Variants in PCDH15 observed in about 807,000 individuals in gnomAD.
The protein encoded by PCDH15 is protocadherin-15.
In PCDH15, 129 loss-of-function variants were observed where a neutral mutation model predicts 178.5. The ratio of observed to expected loss-of-function variants is 0.72; its 90% CI spans 0.63 to 0.84. The LOEUF (loss-of-function observed/expected upper bound fraction) is 0.84. PCDH15 is among the 40% of genes least tolerant of loss of function. PCDH15 has a pLI of 0.00. For missense variants in PCDH15, 2,230 were observed against 2,099.9 expected (o/e 1.06, Z -1.21); for synonymous variants, 800 against 732.0 (o/e 1.09, Z -1.50).
chr10:54,068,913 A>G (rs764551464), intron 17 of PCDH15, among the ~76,000 whole-genome samples: 21 of 152,190 alleles, frequency 1.4e-4, no homozygotes, highest in Non-Finnish European at 2.2e-4. Flanking sequence ...ATGTGTGTCG[A>G]TATATGTAAG....
chr10:54,965,608 C>CATATATAT (rs71461263), intron 2 of PCDH15, among the ~76,000 whole-genome samples: 61 of 141,436 alleles, frequency 4.3e-4, no homozygotes, highest in African/African-American at 1.1e-3. Context: ...AACTTTGCTT[C>CATATATAT]ATATATATAT....
chr10:54,722,118 A>C (rs552875676), intron 1 of PCDH15, among the ~76,000 whole-genome samples: 1 of 151,972 alleles, frequency 6.6e-6, no homozygotes, highest in Non-Finnish European at 1.5e-5. Flanking sequence ...TAGAAAAAAC[A>C]TATGATTATC....
In PCDH15 at chr10:54,371,072, A is replaced by T. The variant is rs567568390; in HGVS notation, c.319-1797T>A. ...TAAAATCATGTGTATAAAATCTGTGAATGTTACAAACCTTGGAAGGATGTA... is the reference window on the plus strand; with the variant it reads ...TAAAATCATGTGTATAAAATCTGTGTATGTTACAAACCTTGGAAGGATGTA... On this transcript the variant is annotated intron_variant, in intron 4 of 37. Coordinates refer to ENST00000644397, the MANE Select transcript of PCDH15 (RefSeq NM_001384140.1). 3.3e-5 allele frequency among the ~76,000 whole-genome samples: 5 copies of T among 151,978 alleles called. No homozygotes were observed. The East Asian group carries it at 9.7e-4, about 29-fold the overall frequency.
chr10:55,014,977 T>C (rs1840136163), intron 2 of PCDH15, among the ~76,000 whole-genome samples: 1 of 152,056 alleles, frequency 6.6e-6, no homozygotes. Context: ...TCTCAGCACT[T>C]TGGGAGGCCG....
intron 10 of PCDH15, among the ~76,000 whole-genome samples, chr10:54,201,627 A>C (rs1024358405): frequency 1.3e-5 from 2 of 152,094 alleles, no homozygotes; most frequent in African/African-American, 2.4e-5. Flanking sequence ...AAGGTCAAAT[A>C]TATATTTATT....
At chr10:54,797,885 T>C (rs1426343204) in intron 1 of PCDH15, among the ~76,000 whole-genome samples, 1 of 152,012 alleles carries the variant, frequency 6.6e-6, no homozygotes, top group Non-Finnish European at 1.5e-5. Flanking sequence ...CTACATATTC[T>C]TCCAAGTCTC....
intron 3 of PCDH15, among the ~76,000 whole-genome samples, chr10:54,874,351 T>C (rs950723672): frequency 2.0e-5 from 3 of 148,702 alleles, no homozygotes; most frequent in Non-Finnish European, 4.4e-5. Context: ...ATGTGCCACA[T>C]TTTCTTAATC....
chr10:55,372,170 G>A (rs1272631192), intron 2 of PCDH15, among the ~76,000 whole-genome samples: 1 of 151,964 alleles, frequency 6.6e-6, no homozygotes, highest in Non-Finnish European at 1.5e-5. Flanking sequence ...AATGTATAGG[G>A]CACATATTTA....
chr10:55,248,659 T>G (rs1056968847), intron 1 of PCDH15, among the ~76,000 whole-genome samples: 1 of 152,144 alleles, frequency 6.6e-6, no homozygotes, highest in African/African-American at 2.4e-5. Flanking sequence ...GTAGTTCTAG[T>G]GATTCTTGTG....
chr10:53,920,085 G>C (rs950357541), intron 25 of PCDH15, among the ~76,000 whole-genome samples: 47 of 152,088 alleles, frequency 3.1e-4, no homozygotes, highest in Non-Finnish European at 6.3e-4. Context: ...TTGAGGCAAA[G>C]TAAAAACAGT....
intron 3 of PCDH15, among the ~76,000 whole-genome samples, chr10:54,415,383 G>A (rs918552830): frequency 1.3e-5 from 2 of 151,644 alleles, no homozygotes; most frequent in Non-Finnish European, 2.9e-5. Flanking sequence ...ATAGTCAATA[G>A]TTTAAAAAAA....
chr10:54,767,343 T>C (rs1014043852), intron 1 of PCDH15, among the ~76,000 whole-genome samples: 1 of 152,136 alleles, frequency 6.6e-6, no homozygotes, highest in African/African-American at 2.4e-5. Flanking sequence ...TAAATGAAAG[T>C]ATCAAACAGA....
chr10:54,794,129 ATATATATATCT>A (rs968541377), intron 1 of PCDH15, among the ~76,000 whole-genome samples: 6 of 146,342 alleles, frequency 4.1e-5, no homozygotes, highest in African/African-American at 7.5e-5. Flanking sequence ...TATATAAGAT[ATATATATATCT>A]TATATATATC....
At chr10:55,413,864 G>C (rs1048858746) in intron 2 of PCDH15, among the ~76,000 whole-genome samples, 1 of 151,236 alleles carries the variant, frequency 6.6e-6, no homozygotes, top group African/African-American at 2.4e-5. Flanking sequence ...AATGAAGAGT[G>C]GTCAAGTTTC....
At chr10:54,595,602 T>C (rs2092187331) in intron 2 of PCDH15, among the ~76,000 whole-genome samples, 1 of 152,046 alleles carries the variant, frequency 6.6e-6, no homozygotes, top group South Asian at 2.1e-4. Flanking sequence ...GAGGCAGAGG[T>C]AGCTGAAATG....
chr10:55,313,082 C>T (rs1336365550), intron 1 of PCDH15, among the ~76,000 whole-genome samples: 1 of 152,030 alleles, frequency 6.6e-6, no homozygotes, highest in Non-Finnish European at 1.5e-5. Flanking sequence ...CTTAGGAGTT[C>T]CTGTCCCCAT....
intron 8 of PCDH15, among the ~76,000 whole-genome samples, chr10:54,294,782 G>A (rs191694645): frequency 2.0e-5 from 3 of 152,142 alleles, no homozygotes; most frequent in East Asian, 3.9e-4. Context: ...GAATTATTTT[G>A]ACACATTAAA....
At chr10:54,710,330 A>T (rs1433968403) in intron 1 of PCDH15, among the ~76,000 whole-genome samples, 1 of 152,052 alleles carries the variant, frequency 6.6e-6, no homozygotes, top group Non-Finnish European at 1.5e-5. Context: ...GTGCTGGAAA[A>T]GTATTGTGAA....
intron 36 of PCDH15, among the ~76,000 whole-genome samples, chr10:53,810,911 T>A (rs1005094136): frequency 5.3e-5 from 8 of 152,292 alleles, no homozygotes; most frequent in African/African-American, 1.9e-4. Context: ...CAGATACTCG[T>A]TTTTGGAGAA....
Sources: allele counts gnomAD v4.1 joint callset (sites outside exome capture counted in the v4.1 genomes callset), GRCh38; gene constraint gnomAD v4.1.1; transcripts MANE v1.5; gene names NCBI Gene and HGNC (gene_info 2026-07-23, HGNC 2026-07-21).